Variants in PLXNA4 observed in about 807,000 individuals in gnomAD.
PLXNA4 encodes the protein plexin-A4.
Under a neutral mutation model 191.8 loss-of-function variants are expected in PLXNA4, and 44 were observed. The observed-to-expected ratio is 0.23, with a 90% CI of 0.18 to 0.29. PLXNA4 has a LOEUF of 0.29. Ranked by LOEUF, PLXNA4 falls within the 10% of genes least tolerant of loss-of-function variation. The probability of loss-of-function intolerance (pLI) is 1.00; values close to 1 mark genes in which losing one functional copy is unlikely to be tolerated. For missense variants in PLXNA4, 1,800 were observed against 2,488.8 expected (o/e 0.72, Z 5.89); for synonymous variants, 1,082 against 1,009.5 (o/e 1.07, Z -1.36).
At chr7:132,174,157 C>T (rs374943134) in intron 21 of PLXNA4, among the ~76,000 whole-genome samples, 120 of 152,294 alleles carry the variant, frequency 7.9e-4, no homozygotes, top group African/African-American at 2.7e-3. Flanking sequence ...TCACTTTTCT[C>T]TGGTATTTAT....
At chr7:132,444,560 C>G (rs1420697920) in intron 3 of PLXNA4, among the ~76,000 whole-genome samples, 1 of 152,206 alleles carries the variant, frequency 6.6e-6, no homozygotes, top group Non-Finnish European at 1.5e-5. Context: ...ACAAAGAGGA[C>G]CCAGTTCTGT....
intron 3 of PLXNA4, among the ~76,000 whole-genome samples, chr7:132,385,638 C>G (rs184937503): frequency 5.3e-5 from 8 of 152,316 alleles, no homozygotes; most frequent in Admixed American, 3.9e-4. Flanking sequence ...TCACCTATGT[C>G]CCTGAAAGAA....
chr7:132,238,054 C>T (rs1021238864), intron 5 of PLXNA4, among the ~76,000 whole-genome samples: 27 of 152,022 alleles, frequency 1.8e-4, no homozygotes, highest in African/African-American at 5.6e-4. Flanking sequence ...AAATAGTCCC[C>T]GAATGTAGTG....
chr7:132,360,057 A>G (rs1418594364), intron 3 of PLXNA4, among the ~76,000 whole-genome samples: 1 of 152,208 alleles, frequency 6.6e-6, no homozygotes, highest in Non-Finnish European at 1.5e-5. Context: ...AAGGGTAATT[A>G]TAATGTTTAA....
chr7:132,333,914 A>C (rs536351179), intron 3 of PLXNA4, among the ~76,000 whole-genome samples: 2 of 152,166 alleles, frequency 1.3e-5, no homozygotes, highest in Non-Finnish European at 2.9e-5. Context: ...ACACAGGAAA[A>C]CTTACCTTCC....
intron 3 of PLXNA4, among the ~76,000 whole-genome samples, chr7:132,390,742 TGA>T (rs1020675147): frequency 1.3e-5 from 2 of 152,104 alleles, no homozygotes; most frequent in African/African-American, 4.8e-5. Context: ...TCTTGTTTCC[TGA>T]GACACACCCA....
intron 3 of PLXNA4, among the ~76,000 whole-genome samples, chr7:132,341,885 T>C (rs1185440519): frequency 6.6e-6 from 1 of 152,172 alleles, no homozygotes; most frequent in Non-Finnish European, 1.5e-5. Flanking sequence ...GGTGCTATTA[T>C]CTAATGAGAA....
chr7:132,323,157 G>A (rs1802238425), intron 3 of PLXNA4, among the ~76,000 whole-genome samples: 1 of 152,176 alleles, frequency 6.6e-6, no homozygotes, highest in African/African-American at 2.4e-5. Flanking sequence ...TGTCCAGCCT[G>A]TCTTCCCTTT....
At chr7:132,244,046 C>G (rs542911752) in intron 4 of PLXNA4, among the ~76,000 whole-genome samples, 29 of 152,268 alleles carry the variant, frequency 1.9e-4, no homozygotes, top group Admixed American at 3.9e-4. Flanking sequence ...GCTTCTGGAA[C>G]AGCTATCTGC....
intron 1 of PLXNA4, among the ~76,000 whole-genome samples, chr7:132,546,174 C>T (rs905941160): frequency 1.3e-5 from 2 of 152,170 alleles, no homozygotes; most frequent in South Asian, 2.1e-4. Context: ...TAGTAGCTCA[C>T]CTACTCCTAA....
intron 3 of PLXNA4, among the ~76,000 whole-genome samples, chr7:132,457,169 G>T (rs1007542760): frequency 2.0e-5 from 3 of 152,038 alleles, no homozygotes; most frequent in Non-Finnish European, 4.4e-5. Context: ...GTGTAACCAT[G>T]GTACAATTAT....
intron 21 of PLXNA4, among the ~76,000 whole-genome samples, chr7:132,173,204 T>C (rs1230868199): frequency 6.6e-6 from 1 of 152,100 alleles, no homozygotes; most frequent in Non-Finnish European, 1.5e-5. Flanking sequence ...AAGAGAATCC[T>C]GGTAATTTGA....
intron 9 of PLXNA4, 38 bp from the exon 10 acceptor site, chr7:132,211,181 G>A: frequency 1.3e-6 from 2 of 1,538,976 alleles, no homozygotes; most frequent in Non-Finnish European, 1.8e-6. Flanking sequence ...GGGCAGCCAG[G>A]AAACCAAATG....
At position 132,484,703 on chromosome 7, in the gene PLXNA4, G is replaced by A. The variant is rs1226249025; in HGVS notation, c.1371+4589C>T. 10 of 1,495,626 alleles carry A rather than the reference G, an allele frequency of 6.7e-6. No individual in the cohort carries two copies. The East Asian group carries it at 1.9e-4, about 29-fold the overall frequency. The allele number at this position is 1,495,626 out of a possible 1,614,324, so 92.6% of individuals were successfully genotyped here. A position where few individuals can be genotyped will look rare whatever the true frequency, so the allele number is the denominator to read the frequency against. ...ACCACATGTTCCTAGTCTATTTGGT[G>A]TTCCAACATTGTATCTCCATTTGAT... On this transcript the variant is annotated intron_variant, in intron 3 of 31. Transcript: ENST00000321063.
At chr7:132,168,070 G>C (rs1172379115) in intron 22 of PLXNA4, among the ~76,000 whole-genome samples, 2 of 152,194 alleles carry the variant, frequency 1.3e-5, no homozygotes, top group African/African-American at 4.8e-5. Context: ...ATTCGACAAA[G>C]GGGCAAGAGA....
At chr7:132,166,228 C>G (rs994729634) in intron 22 of PLXNA4, among the ~76,000 whole-genome samples, 1 of 151,256 alleles carries the variant, frequency 6.6e-6, no homozygotes, top group Non-Finnish European at 1.5e-5. Context: ...AAACAAGAAA[C>G]TGTCCTATGG....
intron 1 of PLXNA4, among the ~76,000 whole-genome samples, chr7:132,544,172 A>G (rs1054944311): frequency 3.3e-5 from 5 of 152,256 alleles, no homozygotes; most frequent in African/African-American, 1.2e-4. Flanking sequence ...GGGCTAAGCC[A>G]CAACCCACCC....
At chr7:132,214,180 C>T (rs1191887835) in intron 9 of PLXNA4, among the ~76,000 whole-genome samples, 5 of 152,094 alleles carry the variant, frequency 3.3e-5, no homozygotes, top group African/African-American at 9.7e-5. Context: ...CCAGGGGACT[C>T]GGAGCTGTGA....
At chr7:132,290,259 C>T (rs1280832921) in intron 4 of PLXNA4, among the ~76,000 whole-genome samples, 1 of 152,212 alleles carries the variant, frequency 6.6e-6, no homozygotes, top group African/African-American at 2.4e-5. Context: ...AGGCTTCTGG[C>T]TTCCAGGAAG....
Sources: gnomAD v4.1 joint callset for allele counts (sites outside exome capture counted in the v4.1 genomes callset) on GRCh38, gnomAD v4.1.1 for gene constraint, MANE v1.5 for transcripts, NCBI Gene and HGNC (gene_info 2026-07-23, HGNC 2026-07-21) for gene names.